CD36: variants seen among roughly 807,000 people sequenced by gnomAD.
CD36 encodes CD36 molecule (CD36 blood group), also known as platelet glycoprotein 4.
A neutral mutation model predicts 55.2 loss-of-function variants in CD36; 119 were observed. The ratio of observed to expected loss-of-function variants is 2.15; its 90% CI spans 1.86 to 2.51. The LOEUF is 2.51. CD36 is among the 30% of genes most tolerant of loss of function. CD36 has a pLI of 0.00. For synonymous variants in CD36, 186 were observed against 193.6 expected (o/e 0.96, Z 0.33); for missense variants, 819 against 555.5 (o/e 1.47, Z -4.77).
At position 80,615,773 on chromosome 7, in the gene CD36, G is replaced by A. The variant is rs114067326; in HGVS notation, c.-184+13394G>A. On this transcript the variant is annotated intron_variant, in intron 1 of 13. Coordinates refer to the CD36 transcript ENST00000309881. Reference sequence around the variant, plus strand: ...AATTTCTCCCAAAATATTCTAAGGCGGGAAGCTTCATGAAAACTCTTGGAG... The same window carrying A: ...AATTTCTCCCAAAATATTCTAAGGCAGGAAGCTTCATGAAAACTCTTGGAG... 2.8e-3 allele frequency among the ~76,000 whole-genome samples: 430 copies of A among 152,166 alleles called. 3 individuals are homozygous for A. Among genetic ancestry groups the A allele is most frequent in the African/African-American group, 9.9e-3 (410 of 41,500 alleles).
chr7:80,603,042 G>A (rs1170543540), intron 1 of CD36, among the ~76,000 whole-genome samples: 3 of 152,070 alleles, frequency 2.0e-5, no homozygotes, highest in African/African-American at 7.2e-5. Flanking sequence ...AAATTTTCTT[G>A]AGTGTGGGTG....
At chr7:80,625,027 T>C (rs777945566) in intron 1 of CD36, 1 of 152,130 alleles carries the variant, frequency 6.6e-6, no homozygotes. Flanking sequence ...TTTGAACATT[T>C]ATTTTACTTT....
intron 1 of CD36, among the ~76,000 whole-genome samples, chr7:80,608,747 A>G (rs1356943241): frequency 6.6e-6 from 1 of 152,118 alleles, no homozygotes; most frequent in Non-Finnish European, 1.5e-5. Flanking sequence ...TTTCCCCTCC[A>G]GGTTAATAGT....
chr7:80,665,426 T>TATC (rs1004469604), intron 7 of CD36, among the ~76,000 whole-genome samples: 1 of 152,172 alleles, frequency 6.6e-6, no homozygotes, highest in African/African-American at 2.4e-5. Flanking sequence ...AAACTGAGTC[T>TATC]ATCTAATGAT....
chr7:80,667,550 C>G (rs1311204295), intron 8 of CD36, among the ~76,000 whole-genome samples: 1 of 151,406 alleles, frequency 6.6e-6, no homozygotes, highest in Admixed American at 6.6e-5. Context: ...AGGGAATATC[C>G]CATAGGAAAA....
chr7:80,655,799 A>G (rs753900882), intron 3 of CD36, among the ~76,000 whole-genome samples: 2 of 151,950 alleles, frequency 1.3e-5, no homozygotes, highest in African/African-American at 2.4e-5. Context: ...TAAAACTACA[A>G]AAACTAGGTG....
At chr7:80,648,715 C>T (rs1795366941) in intron 3 of CD36, among the ~76,000 whole-genome samples, 1 of 151,788 alleles carries the variant, frequency 6.6e-6, no homozygotes, top group Admixed American at 6.6e-5. Flanking sequence ...AAAGTAAATG[C>T]TGTAATACTT....
intron 1 of CD36, among the ~76,000 whole-genome samples, chr7:80,618,728 A>G (rs996628543): frequency 3.3e-5 from 5 of 152,202 alleles, no homozygotes; most frequent in Admixed American, 6.5e-5. Context: ...TGTGAAAGTA[A>G]AAGAGGTGAG....
chr7:80,662,680 A>C (rs1796643071), intron 5 of CD36: 3 of 370,894 alleles, frequency 8.1e-6, no homozygotes, highest in Non-Finnish European at 1.6e-5. Flanking sequence ...CACCTATCAA[A>C]CCATCATCTA....
chr7:80,618,758 G>A (rs1562773158), intron 1 of CD36, among the ~76,000 whole-genome samples: 1 of 152,212 alleles, frequency 6.6e-6, no homozygotes, highest in Non-Finnish European at 1.5e-5. Context: ...GAAGAAGAGT[G>A]TGAAGCTCAC....
chr7:80,661,281 G>A (rs1796509584), intron 5 of CD36, 71 bp downstream of exon 5: 2 of 1,394,204 alleles, frequency 1.4e-6, no homozygotes, highest in Admixed American at 1.7e-5. Context: ...CCTATCATTA[G>A]AATTATTAGG....
At chr7:80,661,444 A>G (rs996171008) in intron 5 of CD36, among the ~76,000 whole-genome samples, 1 of 152,184 alleles carries the variant, frequency 6.6e-6, no homozygotes, top group Admixed American at 6.5e-5. Flanking sequence ...AACATTCTCT[A>G]TATTTAATTT....
chr7:80,605,119 T>C (rs1792469135), intron 1 of CD36, among the ~76,000 whole-genome samples: 1 of 152,148 alleles, frequency 6.6e-6, no homozygotes, highest in Admixed American at 6.6e-5. Flanking sequence ...GATACAAAAT[T>C]TTAAGTAAAC....
upstream of CD36, among the ~76,000 whole-genome samples, chr7:80,634,294 T>C (rs1794257838): frequency 6.6e-6 from 1 of 152,110 alleles, no homozygotes; most frequent in Non-Finnish European, 1.5e-5. Flanking sequence ...CATTGTTCTT[T>C]GCTCTTCAAG....
intron 8 of CD36, among the ~76,000 whole-genome samples, chr7:80,667,166 G>A (rs185534292): frequency 2.0e-5 from 3 of 152,284 alleles, no homozygotes; most frequent in East Asian, 3.9e-4. Context: ...AGTGGCTCAT[G>A]TCTATAATCC....
chr7:80,625,981 CA>C (rs1354799803), intron 1 of CD36, among the ~76,000 whole-genome samples: 8 of 152,030 alleles, frequency 5.3e-5, no homozygotes, highest in South Asian at 2.1e-4. Flanking sequence ...AGTATCAATA[CA>C]GGGGGGTATT....
intron 4 of CD36, among the ~76,000 whole-genome samples, chr7:80,658,453 T>G (rs1796264081): frequency 6.6e-6 from 1 of 152,070 alleles, no homozygotes; most frequent in East Asian, 1.9e-4. Context: ...ATGATTTTTT[T>G]TGTTTGTTTG....
upstream of CD36, among the ~76,000 whole-genome samples, chr7:80,637,785 T>A (rs1191951206): frequency 1.3e-5 from 2 of 152,086 alleles, no homozygotes; most frequent in African/African-American, 4.8e-5. Flanking sequence ...ACATGCCAGG[T>A]TAACCCTGTG....
chr7:80,667,151 G>C (rs1797167252), intron 8 of CD36, among the ~76,000 whole-genome samples: 2 of 152,146 alleles, frequency 1.3e-5, no homozygotes, highest in African/African-American at 2.4e-5. Context: ...TGGGAGGCTG[G>C]TCACAGTGGC....
Sources: gnomAD v4.1 joint callset for allele counts (sites outside exome capture counted in the v4.1 genomes callset) on GRCh38, gnomAD v4.1.1 for gene constraint, MANE v1.5 for transcripts, NCBI Gene and HGNC (gene_info 2026-07-23, HGNC 2026-07-21) for gene names.